PROS1: variants seen among roughly 807,000 people sequenced by gnomAD.
The protein encoded by PROS1 is vitamin K-dependent protein S.
PROS1 carries 29 observed loss-of-function variants against 75.9 expected under a neutral mutation model. That is an observed-to-expected ratio of 0.38 (90% CI 0.28 to 0.52). The LOEUF (loss-of-function observed/expected upper bound fraction) is 0.52. Among genes scored for constraint, PROS1 ranks in the 20% least tolerant of loss-of-function variants. The pLI is 0.83. For synonymous variants in PROS1, 245 were observed against 280.6 expected (o/e 0.87, Z 1.27); for missense variants, 680 against 810.3 (o/e 0.84, Z 1.95).
At chr3:93,932,287 A>G (rs1709117574) in intron 1 of PROS1, among the ~76,000 whole-genome samples, 3 of 152,232 alleles carry the variant, frequency 2.0e-5, no homozygotes, top group Admixed American at 2.0e-4. Context: ...CTAAAATTTA[A>G]AGTTGAGTTA....
At chr3:93,958,002 CACT>C (rs2107255552) in intron 1 of PROS1, among the ~76,000 whole-genome samples, 1 of 152,058 alleles carries the variant, frequency 6.6e-6, no homozygotes, top group East Asian at 1.9e-4. Flanking sequence ...GCAGGAGAAT[CACT>C]TGAACCCAGG....
At chr3:93,953,294 C>A (rs1413958750) in intron 1 of PROS1, among the ~76,000 whole-genome samples, 1 of 152,106 alleles carries the variant, frequency 6.6e-6, no homozygotes, top group Non-Finnish European at 1.5e-5. Context: ...AATTGTAGAC[C>A]AATATCCCTG....
chr3:93,973,268 G>A (rs1375443714), intron 1 of PROS1, among the ~76,000 whole-genome samples: 2 of 152,164 alleles, frequency 1.3e-5, no homozygotes, highest in African/African-American at 4.8e-5. Flanking sequence ...CAGGAGACGG[G>A]TGCAGGTTGG....
chr3:93,891,939 T>C (rs1314497685), intron 10 of PROS1, among the ~76,000 whole-genome samples: 1 of 152,102 alleles, frequency 6.6e-6, no homozygotes, highest in African/African-American at 2.4e-5. Context: ...GAATTTGAAT[T>C]ACCTTTTTAG....
intron 1 of PROS1, among the ~76,000 whole-genome samples, chr3:93,932,305 CA>C: frequency 6.6e-6 from 1 of 152,312 alleles, no homozygotes; most frequent in Middle Eastern, 3.4e-3. Flanking sequence ...TTAATTTTAG[CA>C]AGTTCCCACA....
Position 93,953,341 on chromosome 3 carries a change from G to C in PROS1, c.76+20333C>G, listed in dbSNP as rs527254552. On this transcript the variant is annotated intron_variant, in intron 1 of 14. Coordinates refer to ENST00000394236, the MANE Select transcript of PROS1 (RefSeq NM_000313.4). ...TGCAAAAATCCTCAATAAAATACTG[G>C]CAAACCGAATCCAGCAGCACATCAA... is the stretch of plus-strand genomic sequence containing the variant. Among the ~76,000 whole-genome samples the C allele has an allele frequency of 5.3e-4, 80 of 152,252 alleles. 1 individual carries two copies. Among genetic ancestry groups the C allele is most frequent in the African/African-American group, 1.8e-3 (76 of 41,544 alleles).
intron 10 of PROS1, among the ~76,000 whole-genome samples, chr3:93,889,526 A>C (rs2107144766): frequency 6.6e-6 from 1 of 152,230 alleles, no homozygotes; most frequent in East Asian, 1.9e-4. Flanking sequence ...AATGTATTTC[A>C]TGTTACATTA....
At chr3:93,957,922 C>T (rs1488178446) in intron 1 of PROS1, among the ~76,000 whole-genome samples, 2 of 151,832 alleles carry the variant, frequency 1.3e-5, no homozygotes, top group Non-Finnish European at 2.9e-5. Flanking sequence ...AACCCTGTCT[C>T]TAAAAAAATA....
chr3:93,881,568 T>TC (rs1275793920), intron 12 of PROS1, among the ~76,000 whole-genome samples: 1 of 149,232 alleles, frequency 6.7e-6, no homozygotes, highest in Non-Finnish European at 1.5e-5. Flanking sequence ...TTTTTTTTTT[T>TC]TTTTTTTGTG....
At position 93,917,952 on chromosome 3, in the gene PROS1, A is replaced by C. The variant is rs372902337; in HGVS notation, c.259+6288T>G. Reference sequence around the variant, plus strand: ...GGGCGCCCAGTCCCATTGACCACCCAAGGGCTGAGGAGTGCGGGCACACGG... The same window carrying C: ...GGGCGCCCAGTCCCATTGACCACCCCAGGGCTGAGGAGTGCGGGCACACGG... On this transcript the variant is annotated intron_variant, in intron 3 of 14. Coordinates refer to ENST00000394236, the MANE Select transcript of PROS1 (RefSeq NM_000313.4). Among the ~76,000 whole-genome samples, 12 of 152,052 alleles carry C rather than the reference A, an allele frequency of 7.9e-5. No homozygotes were observed. The East Asian group carries it at 2.4e-3, about 30-fold the overall frequency.
At chr3:93,971,627 C>CCACACACACA (rs748664337) in intron 1 of PROS1, among the ~76,000 whole-genome samples, 1,494 of 124,414 alleles carry the variant, frequency 0.012, 25 homozygotes, top group East Asian at 0.064. Flanking sequence ...AAAATAAAAA[C>CCACACACACA]CACACACACA....
chr3:93,961,182 G>A (rs1164649696), intron 1 of PROS1, among the ~76,000 whole-genome samples: 3 of 152,082 alleles, frequency 2.0e-5, no homozygotes, highest in African/African-American at 7.2e-5. Flanking sequence ...CAAACAGAAG[G>A]ACCAGCATGT....
At chr3:93,944,855 C>G (rs540194573) in intron 1 of PROS1, among the ~76,000 whole-genome samples, 114 of 151,946 alleles carry the variant, frequency 7.5e-4, no homozygotes, top group African/African-American at 2.7e-3. Context: ...TCAAAAAAAT[C>G]AATGAATCTA....
rs1393811765 is a variant in PROS1, at chr3:93,896,599, T to A, written c.942A>T (p.Lys314Asn). Residue 314 changes from lysine (K) to asparagine (N), a missense_variant, in exon 9 of 15, where the codon AAA becomes AAT. Coordinates refer to ENST00000394236, the MANE Select transcript of PROS1 (RefSeq NM_000313.4). ...EQFAGVVLYLKFRLPEISRFS... is the reference protein window; with the variant it reads ...EQFAGVVLYLNFRLPEISRFS... ...ACCTGCTGATTTCTGGCAAACGAAA[T>A]TTTAAATATAAAACAACCCCTGCAA... 6.2e-7 allele frequency: 1 copy of A among 1,612,974 alleles called. No homozygotes were observed. The highest frequency in any genetic ancestry group is 8.5e-7 in the Non-Finnish European group (1 of 1,179,154).
intron 1 of PROS1, among the ~76,000 whole-genome samples, chr3:93,967,758 A>C (rs1160819538): frequency 6.6e-6 from 1 of 152,098 alleles, no homozygotes; most frequent in Admixed American, 6.6e-5. Flanking sequence ...GTGTAATGGC[A>C]TGCACCTATA....
At chr3:93,924,169 GAGTTAGAC>G in intron 3 of PROS1, 63 bp downstream of exon 3, 2 of 1,067,294 alleles carry the variant, frequency 1.9e-6, no homozygotes, top group South Asian at 4.2e-5. Flanking sequence ...GATAGGTGGA[GAGTTAGAC>G]AGGAACATAT....
chr3:93,973,805 A>T lies in PROS1; in HGVS notation c.-56T>A, dbSNP rs1358648528. 2 of 1,478,984 alleles carry T rather than the reference A, an allele frequency of 1.4e-6. No homozygotes were observed. The highest frequency in any genetic ancestry group is 2.8e-5 in the African/African-American group (2 of 71,336). The allele number at this position is 1,478,984 out of a possible 1,614,324, so 91.6% of individuals were successfully genotyped here. On this transcript the variant is annotated 5_prime_UTR_variant, in exon 1 of 15. Transcript: ENST00000394236. The stretch of plus-strand genomic sequence containing the variant: ...GGTGGCGCGTCGCGGCGGGGACCGG[A>T]GCGCTAGGCGCCGCGGAGCTGCGAG...
chr3:93,945,343 G>A (rs554294238), intron 1 of PROS1, among the ~76,000 whole-genome samples: 1 of 152,264 alleles, frequency 6.6e-6, no homozygotes, highest in East Asian at 1.9e-4. Context: ...GCCTGGCAGA[G>A]ACACAACAAC....
At chr3:93,927,530 T>A (rs982593009) in intron 1 of PROS1, 123 bp from the exon 2 acceptor site, 49 of 1,169,288 alleles carry the variant, frequency 4.2e-5, no homozygotes, top group Non-Finnish European at 5.6e-5. Context: ...AAAATCAGTA[T>A]GATCGAACTA....
Sources: gnomAD v4.1 joint callset for allele counts (sites outside exome capture counted in the v4.1 genomes callset) on GRCh38, gnomAD v4.1.1 for gene constraint, MANE v1.5 for transcripts, NCBI Gene and HGNC (gene_info 2026-07-23, HGNC 2026-07-21) for gene names.